The following PDE1A variants were observed in gnomAD, a reference collection of about 807,000 sequenced individuals.
PDE1A encodes the protein phosphodiesterase 1A.
Under a neutral mutation model 61.7 loss-of-function variants are expected in PDE1A, and 35 were observed. That is an observed-to-expected ratio of 0.57 (90% CI 0.43 to 0.75). The LOEUF is 0.75. Ranked by LOEUF, PDE1A falls within the 30% of genes least tolerant of loss-of-function variation. PDE1A has a pLI of 0.00. For synonymous variants in PDE1A, 232 were observed against 213.2 expected, an observed-to-expected ratio of 1.09 and a Z score of -0.77; for missense variants, 597 against 630.6, an observed-to-expected ratio of 0.95 and a Z score of 0.57.
At chr2:182,373,709 C>G (rs966632744) in intron 1 of PDE1A, among the ~76,000 whole-genome samples, 7 of 151,992 alleles carry the variant, frequency 4.6e-5, no homozygotes, top group African/African-American at 1.7e-4. Context: ...AATTTAGTGA[C>G]TAGTAAGGCT....
At chr2:182,614,818 A>G in the PDE1A span, among the ~76,000 whole-genome samples, 4 of 152,204 alleles carry the variant, frequency 2.6e-5, no homozygotes, top group African/African-American at 9.6e-5. Flanking sequence ...TGGCCTCCCA[A>G]AGTGCTGGGA....
At chr2:182,541,425 T>G in the PDE1A span, among the ~76,000 whole-genome samples, 1 of 152,230 alleles carries the variant, frequency 6.6e-6, no homozygotes, top group South Asian at 2.1e-4. Flanking sequence ...CTCAGTAACC[T>G]GGCAGAAACT....
At chr2:182,662,416 T>G in the PDE1A span, among the ~76,000 whole-genome samples, 1 of 150,438 alleles carries the variant, frequency 6.6e-6, no homozygotes, top group South Asian at 2.1e-4. Flanking sequence ...GCTGGAGGCA[T>G]CACACTACCC....
intron 13 of PDE1A, among the ~76,000 whole-genome samples, chr2:182,148,685 G>A (rs1467194479): frequency 6.6e-6 from 1 of 150,592 alleles, no homozygotes; most frequent in Non-Finnish European, 1.5e-5. Context: ...TGAATGACTG[G>A]AAGAAAAGCT....
At chr2:182,424,276 A>C (rs1183111652) in intron 1 of PDE1A, among the ~76,000 whole-genome samples, 1 of 152,178 alleles carries the variant, frequency 6.6e-6, no homozygotes, top group Admixed American at 6.5e-5. Flanking sequence ...ATTTTAAATG[A>C]ATTACTTTTA....
chr2:182,544,488 A>G, the PDE1A span, among the ~76,000 whole-genome samples: 2 of 152,206 alleles, frequency 1.3e-5, no homozygotes, highest in Non-Finnish European at 2.9e-5. Context: ...ATTCATAAAA[A>G]CATGGGATTT....
chr2:182,565,014 C>T, the PDE1A span, among the ~76,000 whole-genome samples: 493 of 152,242 alleles, frequency 3.2e-3, 6 homozygotes, highest in Non-Finnish European at 2.0e-3. Context: ...TCCTGTAGCT[C>T]GGAGTAGTTT....
At chr2:182,391,304 A>G (rs1327066175) in intron 1 of PDE1A, among the ~76,000 whole-genome samples, 1 of 152,052 alleles carries the variant, frequency 6.6e-6, no homozygotes, top group African/African-American at 2.4e-5. Context: ...TCTGCATTTA[A>G]TGTTGCCAGC....
upstream of PDE1A, among the ~76,000 whole-genome samples, chr2:182,428,522 T>A (rs1478680410): frequency 6.6e-6 from 1 of 152,240 alleles, no homozygotes; most frequent in South Asian, 2.1e-4. Flanking sequence ...CTCTTTATGA[T>A]CAATAAGTAC....
chr2:182,323,735 G>C (rs907401045), intron 1 of PDE1A, among the ~76,000 whole-genome samples: 1 of 152,166 alleles, frequency 6.6e-6, no homozygotes, highest in African/African-American at 2.4e-5. Context: ...GGAACACAAG[G>C]AGGATAGTAA....
intron 1 of PDE1A, among the ~76,000 whole-genome samples, chr2:182,283,102 C>G (rs1168672754): frequency 1.3e-5 from 2 of 152,072 alleles, no homozygotes; most frequent in Non-Finnish European, 2.9e-5. Flanking sequence ...GAAATATTTT[C>G]TTTTCAAATC....
At chr2:182,273,455 A>G (rs1693179363) in intron 1 of PDE1A, among the ~76,000 whole-genome samples, 1 of 151,502 alleles carries the variant, frequency 6.6e-6, no homozygotes. Context: ...ATAAAAAAAA[A>G]TAGATTTAAC....
intron 2 of PDE1A, among the ~76,000 whole-genome samples, chr2:182,253,981 A>G (rs1001407364): frequency 3.0e-4 from 45 of 152,160 alleles, no homozygotes; most frequent in African/African-American, 1.0e-3. Context: ...GTAACTGTCA[A>G]ATGATTTTCA....
At chr2:182,292,887 T>G (rs900919286) in intron 1 of PDE1A, among the ~76,000 whole-genome samples, 1 of 152,218 alleles carries the variant, frequency 6.6e-6, no homozygotes, top group East Asian at 1.9e-4. Flanking sequence ...TCATATTGTA[T>G]ATACTATTTT....
the PDE1A span, among the ~76,000 whole-genome samples, chr2:182,608,620 C>G: frequency 1.3e-5 from 2 of 152,224 alleles, no homozygotes; most frequent in African/African-American, 2.4e-5. Flanking sequence ...GATTTCTCGC[C>G]GGGCCTTAGC....
intron 2 of PDE1A, chr2:182,241,786 A>T: frequency 1.4e-6 from 2 of 1,450,380 alleles, no homozygotes; most frequent in Non-Finnish European, 1.8e-6. Context: ...GAATGTTAAT[A>T]CTGATTAATA....
At chr2:182,657,155 G>A in the PDE1A span, among the ~76,000 whole-genome samples, 1 of 152,116 alleles carries the variant, frequency 6.6e-6, no homozygotes. Context: ...CCCGGGAGGT[G>A]GAGGTTGCAG....
the PDE1A span, among the ~76,000 whole-genome samples, chr2:182,545,503 A>G: frequency 1.3e-5 from 2 of 152,158 alleles, no homozygotes; most frequent in Admixed American, 1.3e-4. Flanking sequence ...TATTTTTTTA[A>G]TAACTCTGAT....
At chr2:182,391,705 C>T (rs778873055) in intron 1 of PDE1A, among the ~76,000 whole-genome samples, 6 of 152,068 alleles carry the variant, frequency 3.9e-5, no homozygotes, top group African/African-American at 7.3e-5. Context: ...ACTGGAGGCA[C>T]GCAACAGTCA....
Sources: gnomAD v4.1 joint callset for allele counts (sites outside exome capture counted in the v4.1 genomes callset) on GRCh38, gnomAD v4.1.1 for gene constraint, MANE v1.5 for transcripts, NCBI Gene and HGNC (gene_info 2026-07-23, HGNC 2026-07-21) for gene names.